NTRK1: variants seen among roughly 807,000 people sequenced by gnomAD.
The protein encoded by NTRK1 is neurotrophic receptor tyrosine kinase 1, also known as high affinity nerve growth factor receptor.
A neutral mutation model predicts 86.8 loss-of-function variants in NTRK1; 62 were observed. The observed-to-expected ratio is 0.71, with a 90% CI of 0.58 to 0.88. The LOEUF (loss-of-function observed/expected upper bound fraction) is 0.88, where lower values mean the gene tolerates loss of function less well. NTRK1 is among the 40% of genes least tolerant of loss of function. The probability of loss-of-function intolerance (pLI) is 0.00; values close to 1 mark genes in which losing one functional copy is unlikely to be tolerated. For missense variants in NTRK1, 967 were observed against 1,078.4 expected, an observed-to-expected ratio of 0.90 and a Z score of 1.45; for synonymous variants, 469 against 456.6, an observed-to-expected ratio of 1.03 and a Z score of -0.35.
At chr1:156,844,320 T>C in intron 2 of NTRK1, 4 of 1,580,842 alleles carry the variant, frequency 2.5e-6, no homozygotes, top group Non-Finnish European at 3.5e-6. Flanking sequence ...GTCAAAGATG[T>C]AGAAGTCAGA....
intron 2 of NTRK1, chr1:156,842,551 G>A (rs763917737): frequency 6.5e-7 from 1 of 1,533,904 alleles, no homozygotes. Flanking sequence ...AGTTCCCCTT[G>A]ACCCATTTGG....
At chr1:156,827,306 G>C (rs1040537648) in intron 1 of NTRK1, among the ~76,000 whole-genome samples, 3 of 150,978 alleles carry the variant, frequency 2.0e-5, no homozygotes, top group Non-Finnish European at 4.4e-5. Context: ...CTGTCACCCA[G>C]GCTGGAGTGC....
intron 1 of NTRK1, among the ~76,000 whole-genome samples, chr1:156,833,414 G>T (rs1241218045): frequency 2.0e-5 from 3 of 152,138 alleles, no homozygotes; most frequent in Admixed American, 6.5e-5. Flanking sequence ...AAAATTAGCT[G>T]GGCATGGTGG....
chr1:156,858,650 C>T (rs532591512), upstream of NTRK1: 94 of 1,593,482 alleles, frequency 5.9e-5, no homozygotes, highest in Admixed American at 7.2e-4. Flanking sequence ...TGTCCAGTCC[C>T]GGCTCTCCTC....
chr1:156,832,631 G>A (rs921419099), intron 1 of NTRK1, among the ~76,000 whole-genome samples: 4 of 152,170 alleles, frequency 2.6e-5, no homozygotes, highest in Non-Finnish European at 5.9e-5. Context: ...TCTGGAGGAT[G>A]GTATGGGTGT....
intron 2 of NTRK1, chr1:156,849,341 A>G (rs765318790): frequency 6.2e-7 from 1 of 1,613,716 alleles, no homozygotes; most frequent in Non-Finnish European, 8.5e-7. Context: ...GATGTGTTCC[A>G]AGCAGAGGCG....
rs778760327 is a variant in NTRK1 at position 156,854,110 on chromosome 1, G to T, written c.51-10244G>T. 1.2e-6 allele frequency: 2 copies of T among 1,614,132 alleles called. No individual in the cohort carries two copies. The highest frequency in any genetic ancestry group is 4.5e-5 in the East Asian group (2 of 44,886). ...CTAGGTTGGGGAAGAGGTCGCGCAG[G>T]CTCTCCAGTCCGTAGACACGGAAGA... On this transcript the variant is annotated intron_variant, in intron 2 of 16. Coordinates refer to the NTRK1 transcript ENST00000392302. The surrounding 1 kb of genome is among the most constrained non-coding windows in gnomAD (Gnocchi z 4.2).
chr1:156,838,523 T>C (rs1053474969), intron 1 of NTRK1, among the ~76,000 whole-genome samples: 5 of 152,234 alleles, frequency 3.3e-5, no homozygotes, highest in Non-Finnish European at 4.4e-5. Flanking sequence ...GTTGTCTGTC[T>C]GCAACTGTCT....
chr1:156,822,698 C>G (rs1042006836), intron 1 of NTRK1, among the ~76,000 whole-genome samples: 1 of 150,988 alleles, frequency 6.6e-6, no homozygotes, highest in Non-Finnish European at 1.5e-5. Flanking sequence ...CTCCTCCATT[C>G]CAGATTCTCC....
intron 1 of NTRK1, among the ~76,000 whole-genome samples, chr1:156,863,091 A>G (rs1655754140): frequency 6.6e-6 from 1 of 151,930 alleles, no homozygotes; most frequent in Non-Finnish European, 1.5e-5. Flanking sequence ...GGGGGGGCAC[A>G]CTAACATGTC....
rs1558108623 is a variant in NTRK1, at chr1:156,879,992, G to GT, written c.2047-6dup. On this transcript the variant is annotated splice_region_variant and splice_polypyrimidine_tract_variant and intron_variant, in intron 15 of 16. Transcript: ENST00000524377. ...CCTGGAATTGATGCAGTGTCCGCCCGTGGCAGGTGGGAGGCCGCACCATGC... is the reference window on the plus strand; with the variant it reads ...CCTGGAATTGATGCAGTGTCCGCCCGTTGGCAGGTGGGAGGCCGCACCATGC... 6.2e-7 allele frequency: 1 copy of GT among 1,612,512 alleles called. No individual in the cohort carries two copies. Among genetic ancestry groups the GT allele is most frequent in the Non-Finnish European group, 8.5e-7 (1 of 1,179,984 alleles).
At chr1:156,860,583 G>C (rs1655590185), upstream of NTRK1, among the ~76,000 whole-genome samples, 1 of 152,224 alleles carries the variant, frequency 6.6e-6, no homozygotes, top group Non-Finnish European at 1.5e-5. Flanking sequence ...AAATGCAGCT[G>C]CTTTAAGCTG....
chr1:156,842,440 C>T (rs1268526618), intron 2 of NTRK1: 1 of 1,614,120 alleles, frequency 6.2e-7, no homozygotes, highest in East Asian at 2.2e-5. Flanking sequence ...TCTTGAGGTC[C>T]CCACGGGTCA....
intron 1 of NTRK1, 34 bp downstream of exon 1, chr1:156,861,180 G>T (rs1366983510): frequency 6.5e-6 from 10 of 1,535,466 alleles, no homozygotes; most frequent in Non-Finnish European, 8.7e-6. Context: ...GGGGCGCGGG[G>T]ACAGGCAGGC....
chr1:156,843,331 A>G lies in NTRK1; in HGVS notation c.50+1138A>G, dbSNP rs1464731140. 4 of 1,568,638 alleles carry G rather than the reference A, an allele frequency of 2.5e-6. No individual in the cohort carries two copies. The African/African-American group carries it at 5.4e-5, about 21-fold the overall frequency. ...CCTCTTCTGAAGGGCTCTTGTCCCA[A>G]GGCTATCTTCTGCAAGAAGGTCTTC... On this transcript the variant is annotated intron_variant, in intron 2 of 16. Coordinates refer to the NTRK1 transcript ENST00000392302.
intron 8 of NTRK1, 79 bp downstream of exon 8, chr1:156,874,038 C>A (rs1558104435): frequency 1.4e-6 from 2 of 1,428,474 alleles, no homozygotes; most frequent in Non-Finnish European, 1.9e-6. Context: ...ATAGCCCTGA[C>A]CCCAGAAATT....
chr1:156,850,240 C>T (rs1284285075), intron 2 of NTRK1, among the ~76,000 whole-genome samples: 2 of 152,036 alleles, frequency 1.3e-5, no homozygotes, highest in South Asian at 2.1e-4. Flanking sequence ...GAGCTGGAGT[C>T]TCCCTCTGTC....
At chr1:156,875,099 T>G (rs2102912983) in intron 11 of NTRK1, 91 bp downstream of exon 11, 1 of 960,726 alleles carries the variant, frequency 1.0e-6, no homozygotes, top group Admixed American at 1.7e-5. Context: ...TGGGGGGCTG[T>G]GCACATGGGA....
chr1:156,832,309 A>G (rs1021123161), intron 1 of NTRK1, among the ~76,000 whole-genome samples: 1 of 152,210 alleles, frequency 6.6e-6, no homozygotes. Context: ...CAAGGGATAC[A>G]AAGACAAATG....
Sources: gnomAD v4.1 joint callset for allele counts (sites outside exome capture counted in the v4.1 genomes callset) on GRCh38, gnomAD v4.1.1 for gene constraint, Gnocchi (gnomAD v3.1) non-coding constraint, MANE v1.5 for transcripts, NCBI Gene and HGNC (gene_info 2026-07-23, HGNC 2026-07-21) for gene names.